Variants in PRKN observed in about 807,000 individuals in gnomAD.
The protein encoded by PRKN is parkin RBR E3 ubiquitin protein ligase, also known as E3 ubiquitin-protein ligase parkin.
A neutral mutation model predicts 59.5 loss-of-function variants in PRKN; 56 were observed. That is an observed-to-expected ratio of 0.94 (90% CI 0.76 to 1.18). The LOEUF is 1.18. Ranked by LOEUF, PRKN falls within the 50% of genes most tolerant of loss-of-function variation. The pLI is 0.00. For missense variants in PRKN, 657 were observed against 596.4 expected (o/e 1.10, Z -1.06); for synonymous variants, 250 against 222.1 (o/e 1.13, Z -1.12).
At chr6:162,641,710 C>T (rs1035576106) in intron 1 of PRKN, among the ~76,000 whole-genome samples, 8 of 152,324 alleles carry the variant, frequency 5.3e-5, no homozygotes, top group Admixed American at 3.3e-4. Context: ...ACTCCATCCG[C>T]CCTCTGTTAA....
At position 162,240,340 on chromosome 6, in the gene PRKN, C is replaced by A. The variant is rs530532623; in HGVS notation, c.412+22185G>T. On this transcript the variant is annotated intron_variant, in intron 3 of 11. Coordinates refer to ENST00000366898, the MANE Select transcript of PRKN (RefSeq NM_004562.3). ...AGCTGTTACAGAACAGACCTTCCAA[C>A]ATTTCTCAGTCTCCTTCTTTCCTTC... is the stretch of plus-strand genomic sequence containing the variant. Among the ~76,000 whole-genome samples the A allele has an allele frequency of 1.3e-3, 196 of 152,282 alleles. 1 individual carries two copies. Among genetic ancestry groups the A allele is most frequent in the African/African-American group, 4.3e-3 (180 of 41,556 alleles).
At chr6:162,554,560 C>CAG (rs1273421681) in intron 1 of PRKN, among the ~76,000 whole-genome samples, 1 of 149,506 alleles carries the variant, frequency 6.7e-6, no homozygotes, top group African/African-American at 2.5e-5. Flanking sequence ...CTGGGGGTGG[C>CAG]AGACAGGACA....
chr6:161,978,747 C>T (rs1781147546), intron 5 of PRKN, among the ~76,000 whole-genome samples: 1 of 152,250 alleles, frequency 6.6e-6, no homozygotes, highest in Admixed American at 6.5e-5. Context: ...ACATCTCCAG[C>T]TGTGCTGAGC....
intron 4 of PRKN, among the ~76,000 whole-genome samples, chr6:162,124,927 G>A (rs1781061497): frequency 6.6e-6 from 1 of 152,268 alleles, no homozygotes; most frequent in Admixed American, 6.5e-5. Flanking sequence ...AAATCCCTCA[G>A]TCAAGTGTCA....
chr6:162,199,119 G>C (rs140738754), intron 4 of PRKN, among the ~76,000 whole-genome samples: 1 of 151,410 alleles, frequency 6.6e-6, no homozygotes, highest in South Asian at 2.1e-4. Flanking sequence ...TGTCCTCACC[G>C]CCCCCTACTG....
rs547601651 is a variant in PRKN, at chr6:162,488,583, G to A, written c.8-45110C>T. Reference sequence around the variant, plus strand: ...ATGATAATGAAGAACACAGGTGGTGGGGTCAGACAGCCACTGACTACCTCT... The same window carrying A: ...ATGATAATGAAGAACACAGGTGGTGAGGTCAGACAGCCACTGACTACCTCT... On this transcript the variant is annotated intron_variant, in intron 1 of 11. Transcript: ENST00000366898. Among the ~76,000 whole-genome samples, 6 of 152,266 alleles carry A rather than the reference G, an allele frequency of 3.9e-5. No homozygotes were observed. In the South Asian group the frequency reaches 1.0e-3, roughly 26 times the overall value.
rs540240905 is a variant in PRKN at position 161,695,877 on chromosome 6, T to C, written c.871+89895A>G. Among the ~76,000 whole-genome samples, 43 of 152,316 alleles carry C rather than the reference T, an allele frequency of 2.8e-4. No individual in the cohort carries two copies. In the South Asian group the frequency reaches 8.3e-3, roughly 29 times the overall value. ...AAATAGGAAGAGTGAGCTTAGATCA[T>C]AGCGTGATCAATTTTAAGCAAATAG... On this transcript the variant is annotated intron_variant, in intron 7 of 11. Transcript: ENST00000366898.
At chr6:161,782,771 G>A (rs1470886600) in intron 7 of PRKN, among the ~76,000 whole-genome samples, 1 of 152,064 alleles carries the variant, frequency 6.6e-6, no homozygotes, top group Non-Finnish European at 1.5e-5. Context: ...GCATGCACCT[G>A]TAGTCCCAGC....
At chr6:162,209,843 A>G (rs1583202409) in intron 3 of PRKN, among the ~76,000 whole-genome samples, 1 of 152,250 alleles carries the variant, frequency 6.6e-6, no homozygotes, top group East Asian at 1.9e-4. Flanking sequence ...CATTCTCAGC[A>G]AACTATCACA....
intron 2 of PRKN, among the ~76,000 whole-genome samples, chr6:162,379,681 G>C (rs1263007755): frequency 2.6e-5 from 4 of 152,150 alleles, no homozygotes; most frequent in Non-Finnish European, 5.9e-5. Context: ...CATGTGGACA[G>C]AGCTAGGCAG....
At chr6:162,276,112 G>A (rs1780627020) in intron 2 of PRKN, among the ~76,000 whole-genome samples, 2 of 152,090 alleles carry the variant, frequency 1.3e-5, no homozygotes, top group African/African-American at 2.4e-5. Flanking sequence ...AGTGACAAGA[G>A]GTATGTTTTG....
In PRKN at chr6:162,390,354, C is replaced by G. The variant is rs924965774; in HGVS notation, c.171+52956G>C. On this transcript the variant is annotated intron_variant, in intron 2 of 11. Transcript: ENST00000366898. ...TCTGACTTTTTGGAGGGGAATGCCA[C>G]ATGGTGATTATACTGCTAAGGTATA... Among the ~76,000 whole-genome samples, 58 of 130,722 alleles carry G rather than the reference C, an allele frequency of 4.4e-4. 2 individuals carry two copies. The highest frequency in any genetic ancestry group is 1.5e-3 in the African/African-American group (53 of 35,688). The allele number at this position is 130,722 out of a possible 152,430, so 85.8% of individuals were successfully genotyped here.
At chr6:161,494,272 C>T (rs1777662549) in intron 9 of PRKN, among the ~76,000 whole-genome samples, 1 of 152,072 alleles carries the variant, frequency 6.6e-6, no homozygotes, top group South Asian at 2.1e-4. Context: ...CAACTCTTAC[C>T]CCAACTCTAT....
intron 1 of PRKN, among the ~76,000 whole-genome samples, chr6:162,450,741 A>G (rs1021931385): frequency 5.9e-5 from 9 of 152,226 alleles, no homozygotes; most frequent in Non-Finnish European, 1.2e-4. Context: ...AACAGTCTTT[A>G]GAAACTGTTA....
chr6:161,626,444 A>G (rs1421142397), intron 7 of PRKN, among the ~76,000 whole-genome samples: 1 of 152,234 alleles, frequency 6.6e-6, no homozygotes, highest in East Asian at 1.9e-4. Flanking sequence ...ACCATTAAAG[A>G]AAAATAAAGG....
Position 162,574,764 on chromosome 6 carries a change from G to GT in PRKN, c.8-131292dup, listed in dbSNP as rs371613068. 1.4e-3 allele frequency among the ~76,000 whole-genome samples: 119 copies of GT among 86,324 alleles called. No homozygotes were observed. In the South Asian group the frequency reaches 0.017, roughly 13 times the overall value. The allele number at this position is 86,324 out of a possible 152,430, so 56.6% of individuals were successfully genotyped here. On this transcript the variant is annotated intron_variant, in intron 1 of 11. Transcript: ENST00000366898. ...CTTCAACAGCAGTGAATGATACTAAGTTGTTTTTTTTTTTTGCTGATTTGA... is the reference window on the plus strand; with the variant it reads ...CTTCAACAGCAGTGAATGATACTAAGTTTGTTTTTTTTTTTTGCTGATTTGA...
intron 4 of PRKN, among the ~76,000 whole-genome samples, chr6:162,161,429 C>T (rs1467910504): frequency 2.6e-5 from 4 of 152,172 alleles, no homozygotes; most frequent in African/African-American, 9.7e-5. Context: ...GTTTCAGTTA[C>T]CTGCAGTAAA....
chr6:162,493,032 C>G lies in PRKN; in HGVS notation c.8-49559G>C, dbSNP rs150987234. On this transcript the variant is annotated intron_variant, in intron 1 of 11. Coordinates refer to ENST00000366898, the MANE Select transcript of PRKN (RefSeq NM_004562.3). ...TGTGCTTCCTGCCCCCTCCCACACC[C>G]AAGGGAGGAGGATGGTGCTCATGCA... 3.3e-3 allele frequency among the ~76,000 whole-genome samples: 504 copies of G among 151,570 alleles called. 3 individuals are homozygous for G. Among genetic ancestry groups the G allele is most frequent in the African/African-American group, 0.012 (488 of 41,290 alleles).
intron 1 of PRKN, among the ~76,000 whole-genome samples, chr6:162,633,259 C>T (rs1343098530): frequency 6.6e-6 from 1 of 151,400 alleles, no homozygotes; most frequent in Non-Finnish European, 1.5e-5. Flanking sequence ...CGTGGTGAAA[C>T]CCCATCTCTA....
Sources: allele counts gnomAD v4.1 joint callset (sites outside exome capture counted in the v4.1 genomes callset), GRCh38; gene constraint gnomAD v4.1.1; transcripts MANE v1.5; gene names NCBI Gene and HGNC (gene_info 2026-07-23, HGNC 2026-07-21).